Variants in CDC40 observed in about 807,000 individuals in gnomAD.
CDC40 encodes pre-mRNA-processing factor 17.
CDC40 carries 27 observed loss-of-function variants against 80.6 expected under a neutral mutation model. That is an observed-to-expected ratio of 0.33 (90% confidence interval 0.25 to 0.46). CDC40 has a LOEUF of 0.46. Among genes scored for constraint, CDC40 ranks in the 20% least tolerant of loss-of-function variants. The probability of loss-of-function intolerance (pLI) is 1.00; values close to 1 mark genes in which losing one functional copy is unlikely to be tolerated. For synonymous variants in CDC40, 221 were observed against 232.6 expected, an observed-to-expected ratio of 0.95 and a Z score of 0.45; for missense variants, 486 against 694.1, an observed-to-expected ratio of 0.70 and a Z score of 3.37.
At chr6:110,184,316 ACATTGAGT>A (rs1198178969) in intron 1 of CDC40, among the ~76,000 whole-genome samples, 7 of 152,060 alleles carry the variant, frequency 4.6e-5, no homozygotes, top group African/African-American at 1.4e-4. Flanking sequence ...GTTTGGGAGT[ACATTGAGT>A]CATAGGTCAA....
chr6:110,195,601 T>C (rs1423731128), intron 2 of CDC40, among the ~76,000 whole-genome samples: 1 of 152,210 alleles, frequency 6.6e-6, no homozygotes, highest in East Asian at 1.9e-4. Context: ...TCAGATAATG[T>C]ATGATATAGT....
intron 1 of CDC40, 47 bp downstream of exon 1, chr6:110,180,680 C>G: frequency 7.1e-7 from 1 of 1,402,082 alleles, no homozygotes; most frequent in East Asian, 2.3e-5. Context: ...TTGGCTTCAG[C>G]TCCAGAACTG....
rs146190356 is a variant in CDC40, at chr6:110,210,315, C to T, written c.631-392C>T. The stretch of plus-strand genomic sequence containing the variant: ...CTGTAAGCCCAGCACTTTGGGAGGC[C>T]GAGGCGGGCGCATTGCCAGAGCTCA... On this transcript the variant is annotated intron_variant, in intron 5 of 14. Coordinates refer to ENST00000307731, the MANE Select transcript of CDC40 (RefSeq NM_015891.3). Among the ~76,000 whole-genome samples, 1,159 of 151,602 alleles carry T rather than the reference C, an allele frequency of 7.6e-3. 9 individuals carry two copies. Among genetic ancestry groups the T allele is most frequent in the African/African-American group, 0.02 (832 of 41,300 alleles).
intron 12 of CDC40, among the ~76,000 whole-genome samples, chr6:110,225,455 T>G (rs1362251532): frequency 6.6e-6 from 1 of 151,912 alleles, no homozygotes; most frequent in East Asian, 1.9e-4. Context: ...ATGAGGTTTT[T>G]TTTTTTTTTT....
intron 1 of CDC40, among the ~76,000 whole-genome samples, chr6:110,181,753 C>A (rs1342177249): frequency 6.6e-6 from 1 of 152,120 alleles, no homozygotes; most frequent in Non-Finnish European, 1.5e-5. Flanking sequence ...GCAGTCTGGC[C>A]CTATCCTCTT....
At chr6:110,223,707 CAAAG>C (rs1027699460) in intron 12 of CDC40, among the ~76,000 whole-genome samples, 1 of 152,122 alleles carries the variant, frequency 6.6e-6, no homozygotes, top group Non-Finnish European at 1.5e-5. Context: ...TAAAAGAAAA[CAAAG>C]GAAACGGCTT....
intron 2 of CDC40, among the ~76,000 whole-genome samples, chr6:110,193,939 T>A (rs1777385449): frequency 6.6e-6 from 1 of 152,178 alleles, no homozygotes. Flanking sequence ...CTTACCAGCA[T>A]CAATATGTAG....
At chr6:110,225,395 A>G (rs1777840971) in intron 12 of CDC40, among the ~76,000 whole-genome samples, 1 of 152,120 alleles carries the variant, frequency 6.6e-6, no homozygotes, top group Non-Finnish European at 1.5e-5. Context: ...TGATGGTTCT[A>G]AATTTAGGTG....
At chr6:110,224,116 G>A (rs180671434) in intron 12 of CDC40, among the ~76,000 whole-genome samples, 32 of 151,576 alleles carry the variant, frequency 2.1e-4, no homozygotes, top group Non-Finnish European at 3.4e-4. Flanking sequence ...CACTGCACCC[G>A]GCCAACTTGT....
At chr6:110,229,314 G>T (rs531453120) in intron 14 of CDC40, among the ~76,000 whole-genome samples, 1 of 152,198 alleles carries the variant, frequency 6.6e-6, no homozygotes, top group South Asian at 2.1e-4. Context: ...TGCTATGATT[G>T]AATGAACACC....
chr6:110,218,142 A>G (rs562325737), intron 10 of CDC40, among the ~76,000 whole-genome samples: 14 of 152,358 alleles, frequency 9.2e-5, no homozygotes, highest in African/African-American at 2.9e-4. Flanking sequence ...TAAATGTCTA[A>G]TGAACAAAAT....
At chr6:110,208,712 G>C (rs1417021122) in intron 4 of CDC40, among the ~76,000 whole-genome samples, 1 of 152,156 alleles carries the variant, frequency 6.6e-6, no homozygotes, top group Non-Finnish European at 1.5e-5. Context: ...TAGCAATAAT[G>C]AGTTTCTGAG....
intron 3 of CDC40, among the ~76,000 whole-genome samples, chr6:110,207,047 G>A (rs1349815607): frequency 2.0e-5 from 3 of 152,082 alleles, no homozygotes; most frequent in Non-Finnish European, 2.9e-5. Flanking sequence ...GGGAGTGGTG[G>A]CTCACACCTG....
chr6:110,185,986 G>T (rs1417335871), intron 1 of CDC40, among the ~76,000 whole-genome samples: 2 of 152,088 alleles, frequency 1.3e-5, no homozygotes, highest in Admixed American at 6.6e-5. Flanking sequence ...CAGCACATTC[G>T]ATCAGTACTT....
intron 3 of CDC40, among the ~76,000 whole-genome samples, chr6:110,203,220 C>T (rs1777515366): frequency 6.6e-6 from 1 of 152,016 alleles, no homozygotes; most frequent in South Asian, 2.1e-4. Flanking sequence ...AGTTTTAACA[C>T]TGTCTGTTTT....
chr6:110,202,319 T>A (rs1179758609), intron 3 of CDC40, among the ~76,000 whole-genome samples: 1 of 152,152 alleles, frequency 6.6e-6, no homozygotes, highest in African/African-American at 2.4e-5. Flanking sequence ...ACCACTTAAA[T>A]CACCCAAAAC....
chr6:110,209,279 G>T (rs2114662590), intron 5 of CDC40, 56 bp downstream of exon 5: 1 of 1,470,170 alleles, frequency 6.8e-7, no homozygotes, highest in Non-Finnish European at 9.5e-7. Flanking sequence ...CTCTATGAAG[G>T]ATATCTACAT....
At position 110,219,867 on chromosome 6, in the gene CDC40, A is replaced by G. The variant is rs899045589; in HGVS notation, c.1338A>G (p.Glu446=). Residue 446 remains glutamate, a splice_region_variant and synonymous_variant, in exon 12 of 15, where the codon GAA becomes GAG. Coordinates refer to ENST00000307731, the MANE Select transcript of CDC40 (RefSeq NM_015891.3). The part of the protein sequence containing the change: ...TSDDKSLRVW[E]WDIPVDFKYI... Reference sequence around the variant, plus strand: ...ATGATAAAAGCCTAAGAGTTTGGGAATGGTGAGTTTCCATCAGTAGAAAAT... The same window carrying G: ...ATGATAAAAGCCTAAGAGTTTGGGAGTGGTGAGTTTCCATCAGTAGAAAAT... The G allele has an allele frequency of 1.2e-6, 2 of 1,613,208 alleles. No homozygotes were observed. The highest frequency in any genetic ancestry group is 1.7e-6 in the Non-Finnish European group (2 of 1,179,688).
intron 2 of CDC40, chr6:110,198,941 A>C (rs1777454418): frequency 6.6e-6 from 1 of 152,180 alleles, no homozygotes; most frequent in Admixed American, 6.5e-5. Context: ...ACAGGGACCA[A>C]GAACAGCTGA....
Sources: gnomAD v4.1 joint callset for allele counts (sites outside exome capture counted in the v4.1 genomes callset) on GRCh38, gnomAD v4.1.1 for gene constraint, MANE v1.5 for transcripts, NCBI Gene and HGNC (gene_info 2026-07-23, HGNC 2026-07-21) for gene names.